The following DYNC2I1 variants were observed in gnomAD, a reference collection of about 807,000 sequenced individuals.
DYNC2I1 encodes the protein cytoplasmic dynein 2 intermediate chain 1.
A neutral mutation model predicts 133.4 loss-of-function variants in DYNC2I1; 89 were observed. The ratio of observed to expected loss-of-function variants is 0.67; its 90% CI spans 0.56 to 0.80. The LOEUF is 0.80. Ranked by LOEUF, DYNC2I1 falls within the 30% of genes least tolerant of loss-of-function variation. The probability of loss-of-function intolerance (pLI) is 0.00; values close to 1 mark genes in which losing one functional copy is unlikely to be tolerated. For synonymous variants in DYNC2I1, 504 were observed against 484.3 expected (o/e 1.04, Z -0.54); for missense variants, 1,291 against 1,314.5 (o/e 0.98, Z 0.28).
At chr7:158,867,984 G>A (rs973197282) in intron 1 of DYNC2I1, among the ~76,000 whole-genome samples, 3 of 152,050 alleles carry the variant, frequency 2.0e-5, no homozygotes, top group African/African-American at 7.2e-5. Context: ...TATTAGCCAG[G>A]TGTCATCCCA....
chr7:158,927,157 G>A lies in DYNC2I1; in HGVS notation c.2485+114G>A, dbSNP rs763910637. 272 of 696,062 alleles carry A rather than the reference G, an allele frequency of 3.9e-4. 1 individual carries two copies. The highest frequency in any genetic ancestry group is 8.4e-5 in the Non-Finnish European group (35 of 416,650). 43.1% of individuals were successfully genotyped at this position (696,062 alleles called of 1,614,324 possible). On this transcript the variant is annotated intron_variant, in intron 20 of 24. Coordinates refer to ENST00000407559, the MANE Select transcript of DYNC2I1 (RefSeq NM_018051.5). ...TCACACCTGCTGGGAGCCTCAGCAC[G>A]TTGGGAGGCTGAGGAAGGAGGATTG... is the stretch of plus-strand genomic sequence containing the variant.
At chr7:158,858,209 T>C (rs1841495802) in intron 1 of DYNC2I1, among the ~76,000 whole-genome samples, 1 of 152,230 alleles carries the variant, frequency 6.6e-6, no homozygotes, top group African/African-American at 2.4e-5. Context: ...TATGCTATTC[T>C]CTTTACATTT....
intron 11 of DYNC2I1, among the ~76,000 whole-genome samples, chr7:158,907,971 T>C (rs917223673): frequency 1.7e-4 from 26 of 152,132 alleles, no homozygotes; most frequent in Admixed American, 7.9e-4. Context: ...TAGATTGATA[T>C]ATAATGTACA....
intron 9 of DYNC2I1, 93 bp downstream of exon 9, chr7:158,901,909 T>G (rs1846295544): frequency 1.0e-6 from 1 of 989,602 alleles, no homozygotes. Flanking sequence ...TTTTTATTCT[T>G]TTTATTAATC....
intron 7 of DYNC2I1, among the ~76,000 whole-genome samples, chr7:158,890,719 A>C (rs1405692481): frequency 6.6e-6 from 1 of 151,864 alleles, no homozygotes; most frequent in Non-Finnish European, 1.5e-5. Context: ...GATTATAGGC[A>C]CCCGCCACCA....
At chr7:158,921,826 G>A (rs923796836) in intron 15 of DYNC2I1, among the ~76,000 whole-genome samples, 3 of 152,140 alleles carry the variant, frequency 2.0e-5, no homozygotes, top group South Asian at 4.1e-4. Flanking sequence ...CCTGTTTCAC[G>A]AGCTCCATCT....
chr7:158,887,865 G>A (rs1039449979), intron 7 of DYNC2I1, among the ~76,000 whole-genome samples: 1 of 152,082 alleles, frequency 6.6e-6, no homozygotes, highest in Non-Finnish European at 1.5e-5. Flanking sequence ...ATTGTACCCT[G>A]TGCTGAGCTT....
chr7:158,906,986 G>A (rs1388422128), intron 11 of DYNC2I1, among the ~76,000 whole-genome samples: 4 of 152,118 alleles, frequency 2.6e-5, no homozygotes, highest in Non-Finnish European at 2.9e-5. Flanking sequence ...ATAGCGAGAC[G>A]CACCTGTGGT....
At chr7:158,889,203 C>G (rs1844937863) in intron 7 of DYNC2I1, among the ~76,000 whole-genome samples, 1 of 151,914 alleles carries the variant, frequency 6.6e-6, no homozygotes, top group South Asian at 2.1e-4. Context: ...GCCTCAGCCT[C>G]CTGAGTAGCT....
At chr7:158,867,530 G>T (rs1162989683) in intron 1 of DYNC2I1, among the ~76,000 whole-genome samples, 3 of 152,210 alleles carry the variant, frequency 2.0e-5, no homozygotes, top group Admixed American at 2.0e-4. Flanking sequence ...CAGTGGTGCA[G>T]TGTGACAGGA....
chr7:158,875,559 T>G (rs1484644239), intron 3 of DYNC2I1, among the ~76,000 whole-genome samples: 3 of 152,212 alleles, frequency 2.0e-5, no homozygotes, highest in Admixed American at 6.5e-5. Context: ...GATGCTTTGG[T>G]GTCATCGGTA....
At chr7:158,856,962 C>G (rs1841313011) in intron 1 of DYNC2I1, among the ~76,000 whole-genome samples, 1 of 152,016 alleles carries the variant, frequency 6.6e-6, no homozygotes, top group African/African-American at 2.4e-5. Flanking sequence ...GCCGGGCTCC[C>G]GGCGGTCGGG....
chr7:158,928,856 G>A (rs12056078), intron 20 of DYNC2I1, among the ~76,000 whole-genome samples: 27,623 of 152,064 alleles, frequency 0.18, 3,248 homozygotes, highest in East Asian at 0.45. Flanking sequence ...TTAAGAGTGC[G>A]CCTTGAGGCT....
At chr7:158,841,190 T>TTTTAG in the DYNC2I1 span, among the ~76,000 whole-genome samples, 1 of 87,402 alleles carries the variant, frequency 1.1e-5, no homozygotes, top group East Asian at 4.0e-4. Flanking sequence ...TATATATATA[T>TTTTAG]ATATATATAT....
rs1843829166 is a variant in DYNC2I1, at chr7:158,879,941, T to C, written c.831T>C (p.Asp277=). ...ATGAGAGGCACCAAAGCAACGTGGA[T>C]AGAAAAGAGAAATCGGCAAAAGATG... ...FDDERHQSNV[D]RKEKSAKDEP... Residue 277 remains aspartate, a synonymous_variant, in exon 5 of 25, where the codon GAT becomes GAC. Coordinates refer to ENST00000407559, the MANE Select transcript of DYNC2I1 (RefSeq NM_018051.5). 6.2e-7 allele frequency: 1 copy of C among 1,604,926 alleles called. No homozygotes were observed. Among genetic ancestry groups the C allele is most frequent in the Non-Finnish European group, 8.5e-7 (1 of 1,177,772 alleles).
intron 24 of DYNC2I1, 128 bp downstream of exon 24, chr7:158,942,276 TTAAA>T: frequency 1.5e-6 from 1 of 679,898 alleles, no homozygotes; most frequent in Non-Finnish European, 2.3e-6. Context: ...ATATGTAAAT[TTAAA>T]TAATATGTTC....
At chr7:158,944,906 GC>G (rs1266563114) in intron 24 of DYNC2I1, among the ~76,000 whole-genome samples, 1 of 152,198 alleles carries the variant, frequency 6.6e-6, no homozygotes, top group Non-Finnish European at 1.5e-5. Context: ...AGGAGACTGG[GC>G]GTGTTTCTAC....
At chr7:158,897,805 T>C (rs1315561436) in intron 8 of DYNC2I1, among the ~76,000 whole-genome samples, 1 of 152,228 alleles carries the variant, frequency 6.6e-6, no homozygotes, top group Non-Finnish European at 1.5e-5. Context: ...TTTGCTCTTA[T>C]TTTTCTAGTT....
chr7:158,922,722 G>A (rs1035612564), intron 16 of DYNC2I1, among the ~76,000 whole-genome samples, 173 bp downstream of exon 16: 5 of 152,168 alleles, frequency 3.3e-5, no homozygotes, highest in African/African-American at 1.2e-4. Context: ...TGGGTGCAGC[G>A]AGACACATGG....
Sources: allele counts gnomAD v4.1 joint callset (sites outside exome capture counted in the v4.1 genomes callset), GRCh38; gene constraint gnomAD v4.1.1; transcripts MANE v1.5; gene names NCBI Gene and HGNC (gene_info 2026-07-23, HGNC 2026-07-21).